SYTL3: variants seen among roughly 807,000 people sequenced by gnomAD.
The protein encoded by SYTL3 is synaptotagmin-like protein 3.
SYTL3 carries 88 observed loss-of-function variants against 82.1 expected under a neutral mutation model. The ratio of observed to expected loss-of-function variants is 1.07; its 90% CI spans 0.90 to 1.28. The LOEUF (loss-of-function observed/expected upper bound fraction) is 1.28, where lower values mean the gene tolerates loss of function less well. Ranked by LOEUF, SYTL3 falls within the 50% of genes most tolerant of loss-of-function variation. The pLI, the probability that SYTL3 is intolerant of heterozygous loss-of-function variation, is 0.00. For missense variants in SYTL3, 831 were observed against 757.6 expected, an observed-to-expected ratio of 1.10 and a Z score of -1.14; for synonymous variants, 311 against 289.4, an observed-to-expected ratio of 1.07 and a Z score of -0.76.
chr6:158,661,549 T>G (rs1195242705), intron 3 of SYTL3, among the ~76,000 whole-genome samples, 164 bp downstream of exon 3: 1 of 152,226 alleles, frequency 6.6e-6, no homozygotes, highest in Non-Finnish European at 1.5e-5. Context: ...GCAGTTGGGA[T>G]GAATAATATA....
At chr6:158,732,640 A>G (rs1785552580) in intron 11 of SYTL3, among the ~76,000 whole-genome samples, 1 of 152,208 alleles carries the variant, frequency 6.6e-6, no homozygotes, top group Non-Finnish European at 1.5e-5. Flanking sequence ...TCCATCTTCC[A>G]AGACCAGTTT....
chr6:158,741,131 C>T (rs1786873363), intron 11 of SYTL3, among the ~76,000 whole-genome samples: 1 of 152,094 alleles, frequency 6.6e-6, no homozygotes, highest in South Asian at 2.1e-4. Context: ...GCAGTGGTGC[C>T]ATCTCAGCTC....
chr6:158,680,655 G>A (rs1778585099), intron 5 of SYTL3, among the ~76,000 whole-genome samples: 1 of 151,932 alleles, frequency 6.6e-6, no homozygotes, highest in Non-Finnish European at 1.5e-5. Flanking sequence ...AGGAGACTGA[G>A]GTGGGAGGAT....
intron 13 of SYTL3, among the ~76,000 whole-genome samples, chr6:158,757,000 A>T: frequency 7.0e-6 from 1 of 142,018 alleles, no homozygotes; most frequent in Non-Finnish European, 1.5e-5. Context: ...CAGAGAGAGG[A>T]CCCCCCCGCC....
chr6:158,720,863 C>T (rs1295317966), intron 10 of SYTL3, among the ~76,000 whole-genome samples: 1 of 152,184 alleles, frequency 6.6e-6, no homozygotes, highest in African/African-American at 2.4e-5. Context: ...AGAGGTGAGA[C>T]GCATTTCCCA....
intron 12 of SYTL3, 50 bp downstream of exon 12, chr6:158,745,708 T>C (rs1201227337): frequency 1.4e-6 from 2 of 1,381,640 alleles, no homozygotes; most frequent in African/African-American, 3.0e-5. Flanking sequence ...TTCCAAAATG[T>C]ATATGAAAAA....
At chr6:158,660,517 A>G (rs1335796932) in intron 2 of SYTL3, among the ~76,000 whole-genome samples, 2 of 152,186 alleles carry the variant, frequency 1.3e-5, no homozygotes, top group Non-Finnish European at 2.9e-5. Context: ...GTGCTTTGTA[A>G]TGATCATTGA....
chr6:158,695,234 A>G (rs1482402616), intron 6 of SYTL3, among the ~76,000 whole-genome samples: 18 of 152,140 alleles, frequency 1.2e-4, no homozygotes, highest in Admixed American at 1.1e-3. Context: ...GCTGACCTCT[A>G]CTCTAGAAGA....
chr6:158,756,559 AAAAC>A (rs1157230680), intron 13 of SYTL3, among the ~76,000 whole-genome samples: 2 of 151,964 alleles, frequency 1.3e-5, no homozygotes, highest in Non-Finnish European at 2.9e-5. Context: ...AAAATACAAA[AAAAC>A]AAGCCGGGCG....
intron 5 of SYTL3, among the ~76,000 whole-genome samples, chr6:158,674,137 A>AATC (rs1178171557): frequency 2.3e-4 from 33 of 143,584 alleles, no homozygotes; most frequent in Non-Finnish European, 4.2e-4. Flanking sequence ...TGATGATGAT[A>AATC]ATCTTCTCCC....
chr6:158,716,318 C>A (rs562244504), intron 9 of SYTL3, among the ~76,000 whole-genome samples: 8 of 152,342 alleles, frequency 5.3e-5, no homozygotes, highest in Admixed American at 1.3e-4. Flanking sequence ...GGCTTGTCCT[C>A]TCCCCTCATC....
intron 11 of SYTL3, 183 bp downstream of exon 11, chr6:158,725,820 G>A (rs551496690): frequency 1.5e-4 from 126 of 835,742 alleles, no homozygotes; most frequent in Admixed American, 2.3e-4. Flanking sequence ...GTAAAGTTGC[G>A]TTATCCTCAG....
In SYTL3 at chr6:158,663,140, T is replaced by G; in HGVS notation, c.-129T>G. The G allele has an allele frequency of 2.9e-6, 2 of 694,494 alleles. No individual in the cohort carries two copies. Among genetic ancestry groups the G allele is most frequent in the Non-Finnish European group, 2.4e-6 (1 of 408,358 alleles). The allele number at this position is 694,494 out of a possible 1,614,324, so 43.0% of individuals were successfully genotyped here. On this transcript the variant is annotated 5_prime_UTR_variant, in exon 4 of 18. Coordinates refer to ENST00000611299, the MANE Select transcript of SYTL3 (RefSeq NM_001242394.2). ...GAACCACAAGCAAAACAGTTGCCAG[T>G]GAAATAGGAGAGGGAGCTCTTTAAA...
chr6:158,718,117 C>T lies in SYTL3; in HGVS notation c.626C>T (p.Ser209Phe). 6.5e-7 allele frequency: 1 copy of T among 1,546,570 alleles called. No homozygotes were observed. Among genetic ancestry groups the T allele is most frequent in the Non-Finnish European group, 8.7e-7 (1 of 1,145,094 alleles). The part of the protein sequence containing the change: ...KLSKSQNDMT[S>F]EKHLLATGPR... The stretch of plus-strand genomic sequence containing the variant: ...TCCAAATCCCAGAATGATATGACTT[C>T]TGAGAAGCATCTTCTCGCCACGGGC... The change falls in exon 10 of 18, where the codon TCT (serine) becomes TTT (phenylalanine). Residue 209 changes from serine to phenylalanine, a missense_variant. Transcript: ENST00000611299.
At chr6:158,764,406 C>G in intron 17 of SYTL3, 89 bp from the exon 18 acceptor site, 2 of 1,004,524 alleles carry the variant, frequency 2.0e-6, no homozygotes, top group Non-Finnish European at 3.0e-6. Context: ...AGGTGAAAAA[C>G]TTCTGGCTGG....
At chr6:158,685,250 G>A (rs1269021322) in intron 6 of SYTL3, among the ~76,000 whole-genome samples, 1 of 139,672 alleles carries the variant, frequency 7.2e-6, no homozygotes, top group Non-Finnish European at 1.5e-5. Context: ...GTCTCGTTCT[G>A]TCATCCAGGC....
intron 6 of SYTL3, among the ~76,000 whole-genome samples, chr6:158,695,396 G>C (rs1378155424): frequency 6.6e-6 from 1 of 152,166 alleles, no homozygotes; most frequent in African/African-American, 2.4e-5. Flanking sequence ...TTACTCATTA[G>C]ACTAGTTTTT....
intron 7 of SYTL3, among the ~76,000 whole-genome samples, chr6:158,707,584 A>G (rs1782241757): frequency 6.6e-6 from 1 of 152,242 alleles, no homozygotes; most frequent in Non-Finnish European, 1.5e-5. Flanking sequence ...GCTTAAGTGA[A>G]ATTCTAAAGC....
At chr6:158,676,632 G>C (rs1310732494) in intron 5 of SYTL3, among the ~76,000 whole-genome samples, 1 of 152,110 alleles carries the variant, frequency 6.6e-6, no homozygotes, top group African/African-American at 2.4e-5. Context: ...TACAGAATGA[G>C]AGAAAATTTT....
Sources: allele counts gnomAD v4.1 joint callset (sites outside exome capture counted in the v4.1 genomes callset), GRCh38; gene constraint gnomAD v4.1.1; transcripts MANE v1.5; gene names NCBI Gene and HGNC (gene_info 2026-07-23, HGNC 2026-07-21).